DLG2: variants seen among roughly 807,000 people sequenced by gnomAD.
DLG2 encodes the protein disks large homolog 2.
In DLG2, 45 loss-of-function variants were observed where a neutral mutation model predicts 132.5. The ratio of observed to expected loss-of-function variants is 0.34; its 90% CI spans 0.27 to 0.44. The LOEUF is 0.44. Among genes scored for constraint, DLG2 ranks in the 20% least tolerant of loss-of-function variants. DLG2 has a pLI of 1.00. For missense variants in DLG2, 1,045 were observed against 1,196.9 expected (o/e 0.87, Z 1.87); for synonymous variants, 424 against 419.6 (o/e 1.01, Z -0.13).
chr11:84,815,326 G>C (rs574360095), intron 6 of DLG2, among the ~76,000 whole-genome samples: 2 of 152,184 alleles, frequency 1.3e-5, no homozygotes, highest in East Asian at 3.9e-4. Flanking sequence ...GTTTTTGACT[G>C]TCCCAGGACA....
At chr11:84,639,421 G>T (rs1304279310) in intron 6 of DLG2, among the ~76,000 whole-genome samples, 7 of 150,782 alleles carry the variant, frequency 4.6e-5, no homozygotes, top group African/African-American at 1.7e-4. Context: ...AATCATTAAG[G>T]CTTCTACAAA....
chr11:84,511,507 T>G (rs1397451421), intron 7 of DLG2, among the ~76,000 whole-genome samples: 1 of 152,180 alleles, frequency 6.6e-6, no homozygotes, highest in Non-Finnish European at 1.5e-5. Context: ...CTACAGCATC[T>G]GAAATAATGC....
chr11:84,310,518 A>G (rs549031885), intron 7 of DLG2, among the ~76,000 whole-genome samples: 2 of 152,182 alleles, frequency 1.3e-5, no homozygotes, highest in East Asian at 1.9e-4. Context: ...TCCTTGCCCT[A>G]TCCCAGAGAG....
intron 8 of DLG2, among the ~76,000 whole-genome samples, chr11:84,207,113 T>G (rs1597415199): frequency 6.6e-6 from 1 of 151,446 alleles, no homozygotes; most frequent in South Asian, 2.1e-4. Context: ...ATATGACTAC[T>G]CCTACACTGA....
At chr11:85,448,740 A>G (rs1385019868) in intron 3 of DLG2, among the ~76,000 whole-genome samples, 1 of 152,180 alleles carries the variant, frequency 6.6e-6, no homozygotes, top group Non-Finnish European at 1.5e-5. Context: ...GGGACCCAAT[A>G]TTCAACATCT....
intron 18 of DLG2, among the ~76,000 whole-genome samples, chr11:83,775,293 C>A (rs900107065): frequency 6.6e-6 from 1 of 152,188 alleles, no homozygotes; most frequent in Non-Finnish European, 1.5e-5. Flanking sequence ...CCTTTTATTA[C>A]AGCATGAATC....
intron 3 of DLG2, among the ~76,000 whole-genome samples, chr11:85,408,397 A>T (rs1458958473): frequency 3.3e-5 from 5 of 150,248 alleles, no homozygotes; most frequent in Non-Finnish European, 7.4e-5. Flanking sequence ...TATTTTTATT[A>T]TTATTATTAT....
intron 7 of DLG2, among the ~76,000 whole-genome samples, chr11:84,395,805 G>T (rs1243732836): frequency 2.0e-5 from 3 of 152,168 alleles, no homozygotes; most frequent in African/African-American, 7.2e-5. Flanking sequence ...ATAAATAAAA[G>T]TTTTGTTCGT....
chr11:84,296,265 C>T (rs755895406), intron 7 of DLG2, among the ~76,000 whole-genome samples: 23 of 146,120 alleles, frequency 1.6e-4, no homozygotes, highest in Non-Finnish European at 3.2e-4. Context: ...AAATAAAATA[C>T]TTAGAATGAA....
chr11:85,096,984 G>A (rs191457037), intron 6 of DLG2, among the ~76,000 whole-genome samples: 11 of 152,116 alleles, frequency 7.2e-5, no homozygotes, highest in East Asian at 1.9e-4. Flanking sequence ...ATTCAACTCC[G>A]GGGTCCCAAC....
intron 19 of DLG2, among the ~76,000 whole-genome samples, chr11:83,593,662 TA>T (rs566349149): frequency 3.0e-4 from 43 of 141,022 alleles, no homozygotes; most frequent in Middle Eastern, 7.3e-3. Context: ...AGAAATATAT[TA>T]AAAAAAAAAG....
At chr11:85,119,975 C>T (rs944277805) in intron 5 of DLG2, among the ~76,000 whole-genome samples, 4 of 151,928 alleles carry the variant, frequency 2.6e-5, no homozygotes, top group African/African-American at 9.7e-5. Context: ...ATAATTACAA[C>T]CTATTAAATA....
intron 6 of DLG2, among the ~76,000 whole-genome samples, chr11:84,902,640 A>C (rs1206912589): frequency 6.6e-6 from 1 of 152,146 alleles, no homozygotes; most frequent in Non-Finnish European, 1.5e-5. Context: ...ACTGCCACTT[A>C]CATAGTGATG....
intron 3 of DLG2, among the ~76,000 whole-genome samples, chr11:85,480,316 T>G (rs2093256610): frequency 6.6e-6 from 1 of 152,136 alleles, no homozygotes; most frequent in African/African-American, 2.4e-5. Context: ...AGCTACATTA[T>G]GATAAACAAA....
chr11:84,121,967 G>C (rs1441312072), intron 9 of DLG2, among the ~76,000 whole-genome samples: 1 of 152,052 alleles, frequency 6.6e-6, no homozygotes, highest in African/African-American at 2.4e-5. Context: ...CATTTTCCAA[G>C]TTAAGCTATA....
intron 3 of DLG2, among the ~76,000 whole-genome samples, chr11:85,363,802 G>C (rs2084335588): frequency 6.6e-6 from 1 of 152,102 alleles, no homozygotes; most frequent in Admixed American, 6.6e-5. Context: ...TTTTCATATA[G>C]TTGTCAAAGT....
At chr11:84,642,599 G>A (rs1353218078) in intron 6 of DLG2, among the ~76,000 whole-genome samples, 1 of 152,112 alleles carries the variant, frequency 6.6e-6, no homozygotes, top group Non-Finnish European at 1.5e-5. Flanking sequence ...GTGACAAGGA[G>A]ATAGGAATTA....
At chr11:83,990,933 C>T (rs570531048) in intron 11 of DLG2, among the ~76,000 whole-genome samples, 4 of 152,068 alleles carry the variant, frequency 2.6e-5, no homozygotes, top group African/African-American at 9.7e-5. Context: ...TGAGAAAACA[C>T]CCACCCTCAC....
At chr11:84,995,464 T>A (rs1395831894) in intron 6 of DLG2, among the ~76,000 whole-genome samples, 1 of 152,212 alleles carries the variant, frequency 6.6e-6, no homozygotes, top group Non-Finnish European at 1.5e-5. Flanking sequence ...AAGTCAGTTA[T>A]GTACATATTT....
Sources: gnomAD v4.1 joint callset for allele counts (sites outside exome capture counted in the v4.1 genomes callset) on GRCh38, gnomAD v4.1.1 for gene constraint, MANE v1.5 for transcripts, NCBI Gene and HGNC (gene_info 2026-07-23, HGNC 2026-07-21) for gene names.